Variants in GALNTL6 observed in about 807,000 individuals in gnomAD.
The protein encoded by GALNTL6 is polypeptide N-acetylgalactosaminyltransferase-like 6.
A neutral mutation model predicts 73.7 loss-of-function variants in GALNTL6; 46 were observed. The observed-to-expected ratio is 0.62, with a 90% confidence interval of 0.49 to 0.80. GALNTL6 has a LOEUF of 0.80. Ranked by LOEUF, GALNTL6 falls within the 30% of genes least tolerant of loss-of-function variation. GALNTL6 has a pLI of 0.00. For missense variants in GALNTL6, 604 were observed against 755.0 expected (o/e 0.80, Z 2.34); for synonymous variants, 259 against 263.7 (o/e 0.98, Z 0.17).
At chr4:172,138,557 T>A (rs1405183933) in intron 2 of GALNTL6, among the ~76,000 whole-genome samples, 1 of 106,552 alleles carries the variant, frequency 9.4e-6, no homozygotes, top group African/African-American at 3.7e-5. Flanking sequence ...TGAGACGCAA[T>A]CTCGCTCTGT....
At chr4:172,523,175 G>A (rs761498869) in intron 5 of GALNTL6, among the ~76,000 whole-genome samples, 18 of 152,076 alleles carry the variant, frequency 1.2e-4, no homozygotes, top group Non-Finnish European at 2.6e-4. Context: ...CTTGGTTGTT[G>A]TATAATGTTC....
At chr4:172,243,364 C>T (rs897860977) in intron 3 of GALNTL6, among the ~76,000 whole-genome samples, 1 of 152,146 alleles carries the variant, frequency 6.6e-6, no homozygotes, top group Non-Finnish European at 1.5e-5. Flanking sequence ...CTTAAGTTTT[C>T]TTTCTAGCAA....
chr4:173,003,593 C>T (rs1411781922), intron 10 of GALNTL6, among the ~76,000 whole-genome samples: 1 of 152,214 alleles, frequency 6.6e-6, no homozygotes, highest in African/African-American at 2.4e-5. Context: ...AGGCACTTCG[C>T]ATGCATCTGT....
intron 2 of GALNTL6, among the ~76,000 whole-genome samples, chr4:171,927,189 T>G (rs1435122132): frequency 2.6e-5 from 4 of 152,176 alleles, no homozygotes; most frequent in Non-Finnish European, 5.9e-5. Context: ...AATTCCATGT[T>G]GTTTTAAGAA....
In GALNTL6 at chr4:172,533,570, G is replaced by A. The variant is rs142409888; in HGVS notation, c.553+184881G>A. ...GAACTCCTTACTTCATGATCCACCC[G>A]CCTCAGCCTCCAAGTGTGCTGGGAT... On this transcript the variant is annotated intron_variant, in intron 5 of 12. Coordinates refer to ENST00000506823, the MANE Select transcript of GALNTL6 (RefSeq NM_001034845.3). 8.4e-3 allele frequency among the ~76,000 whole-genome samples: 1,279 copies of A among 151,962 alleles called. 11 individuals carry two copies. Among genetic ancestry groups the A allele is most frequent in the African/African-American group, 0.029 (1,208 of 41,438 alleles).
chr4:171,961,508 G>A lies in GALNTL6; in HGVS notation c.138+146790G>A, dbSNP rs139139701. On this transcript the variant is annotated intron_variant, in intron 2 of 12. Transcript: ENST00000506823. The stretch of plus-strand genomic sequence containing the variant: ...TCAACACCAATTAAAAAAACCCTAC[G>A]TAGCAAATAATTATTCTTGCTGCAC... Among the ~76,000 whole-genome samples the A allele has an allele frequency of 3.6e-3, 541 of 152,122 alleles. 2 individuals carry two copies. Among genetic ancestry groups the A allele is most frequent in the African/African-American group, 0.012 (505 of 41,500 alleles).
chr4:173,017,421 A>G (rs1008941127), intron 11 of GALNTL6, among the ~76,000 whole-genome samples: 1 of 152,222 alleles, frequency 6.6e-6, no homozygotes, highest in Non-Finnish European at 1.5e-5. Context: ...AAAGCAAACA[A>G]TGAATATAAT....
At chr4:172,127,062 A>C (rs773832005) in intron 2 of GALNTL6, among the ~76,000 whole-genome samples, 1 of 152,186 alleles carries the variant, frequency 6.6e-6, no homozygotes. Context: ...AATACTCCCC[A>C]GTCACCTGCA....
chr4:172,909,978 T>C (rs1330971940), intron 8 of GALNTL6, among the ~76,000 whole-genome samples: 1 of 151,986 alleles, frequency 6.6e-6, no homozygotes, highest in Non-Finnish European at 1.5e-5. Flanking sequence ...TTTTTACTAG[T>C]ATGGAATAAT....
intron 5 of GALNTL6, among the ~76,000 whole-genome samples, chr4:172,537,609 A>G (rs1030727020): frequency 6.6e-6 from 1 of 152,178 alleles, no homozygotes; most frequent in Non-Finnish European, 1.5e-5. Flanking sequence ...CAGCATGAGA[A>G]CAGACTAATA....
chr4:171,856,654 G>A (rs1403780173), intron 2 of GALNTL6, among the ~76,000 whole-genome samples: 1 of 152,138 alleles, frequency 6.6e-6, no homozygotes, highest in Non-Finnish European at 1.5e-5. Flanking sequence ...GCATATGGAT[G>A]TGCAGTGTGA....
At chr4:172,615,711 C>CCAT (rs1738700659) in intron 5 of GALNTL6, among the ~76,000 whole-genome samples, 1 of 152,100 alleles carries the variant, frequency 6.6e-6, no homozygotes, top group African/African-American at 2.4e-5. Flanking sequence ...TTGAGTAGAA[C>CCAT]TGAAAATACA....
At chr4:172,274,221 G>A (rs562578047) in intron 3 of GALNTL6, among the ~76,000 whole-genome samples, 1 of 152,254 alleles carries the variant, frequency 6.6e-6, no homozygotes, top group South Asian at 2.1e-4. Context: ...AAACTTAACT[G>A]TGAAACTTTA....
At chr4:172,969,006 T>C (rs1750454318) in intron 10 of GALNTL6, among the ~76,000 whole-genome samples, 2 of 152,146 alleles carry the variant, frequency 1.3e-5, no homozygotes, top group Admixed American at 6.5e-5. Context: ...ATAAAGAAGA[T>C]GAAAACTACA....
At chr4:172,976,712 T>A (rs1314214640) in intron 10 of GALNTL6, among the ~76,000 whole-genome samples, 1 of 152,234 alleles carries the variant, frequency 6.6e-6, no homozygotes, top group African/African-American at 2.4e-5. Context: ...CTTTTCTGAT[T>A]TCAGCCTGGT....
At chr4:172,254,425 C>T (rs1004927308) in intron 3 of GALNTL6, among the ~76,000 whole-genome samples, 1 of 151,600 alleles carries the variant, frequency 6.6e-6, no homozygotes, top group Non-Finnish European at 1.5e-5. Context: ...TCTGCACTTG[C>T]TTTTTGTCTT....
chr4:172,332,877 A>C (rs568673253), intron 4 of GALNTL6, among the ~76,000 whole-genome samples: 7 of 152,186 alleles, frequency 4.6e-5, no homozygotes, highest in African/African-American at 1.7e-4. Context: ...AGAAATCGTC[A>C]TACTGTTTTC....
At chr4:172,057,757 T>TATATAA (rs1491338494) in intron 2 of GALNTL6, among the ~76,000 whole-genome samples, 7 of 132,118 alleles carry the variant, frequency 5.3e-5, no homozygotes, top group East Asian at 4.4e-4. Context: ...TATATATATA[T>TATATAA]AAATCAAGTT....
At position 172,196,628 on chromosome 4, in the gene GALNTL6, G is replaced by A. The variant is rs542245980; in HGVS notation, c.139-33028G>A. 4.6e-5 allele frequency among the ~76,000 whole-genome samples: 7 copies of A among 152,242 alleles called. No individual in the cohort carries two copies. The South Asian group carries it at 1.2e-3, about 27-fold the overall frequency. On this transcript the variant is annotated intron_variant, in intron 2 of 12. Transcript: ENST00000506823. ...CAAGTCAGCTTCATCCTCAATGCAA[G>A]GCTGGTTCAACTTATACAAATCAAT...
Sources: allele counts gnomAD v4.1 joint callset (sites outside exome capture counted in the v4.1 genomes callset), GRCh38; gene constraint gnomAD v4.1.1; transcripts MANE v1.5; gene names NCBI Gene and HGNC (gene_info 2026-07-23, HGNC 2026-07-21).